The following SLC71A2 variants were observed in gnomAD, a reference collection of about 807,000 sequenced individuals.
SLC71A2 encodes solute carrier family 71 member 2.
chr9:94,437,928 T>C, the SLC71A2 span, among the ~76,000 whole-genome samples: 391 of 149,300 alleles, frequency 2.6e-3, 1 homozygote, highest in African/African-American at 9.2e-3. Context: ...TAATTTTATT[T>C]TAGATTTTAT....
At chr9:94,408,402 C>A in the SLC71A2 span, among the ~76,000 whole-genome samples, 1 of 152,156 alleles carries the variant, frequency 6.6e-6, no homozygotes, top group Admixed American at 6.6e-5. Context: ...GATAAGGGGG[C>A]AACTACTGTA....
chr9:94,388,192 G>C, the SLC71A2 span, among the ~76,000 whole-genome samples: 1 of 152,090 alleles, frequency 6.6e-6, no homozygotes, highest in Non-Finnish European at 1.5e-5. Context: ...ATACATGTGA[G>C]TATCATGGGT....
the SLC71A2 span, among the ~76,000 whole-genome samples, chr9:94,410,187 CT>C: frequency 6.6e-6 from 1 of 151,852 alleles, no homozygotes; most frequent in African/African-American, 2.4e-5. Context: ...CCTTAAACTC[CT>C]GCACTCCAGC....
At chr9:94,451,383 G>C in the SLC71A2 span, 1 of 745,562 alleles carries the variant, frequency 1.3e-6, no homozygotes, top group South Asian at 2.7e-5. Flanking sequence ...ACTTATCATT[G>C]TAATAGAACA....
At chr9:94,380,101 A>G in the SLC71A2 span, among the ~76,000 whole-genome samples, 2 of 152,070 alleles carry the variant, frequency 1.3e-5, no homozygotes, top group Non-Finnish European at 2.9e-5. Context: ...CCCTGTCTCT[A>G]CTAAAAATAC....
At chr9:94,435,813 C>A in the SLC71A2 span, among the ~76,000 whole-genome samples, 2 of 152,036 alleles carry the variant, frequency 1.3e-5, no homozygotes, top group Non-Finnish European at 2.9e-5. Flanking sequence ...CACCACCATG[C>A]CTGGCTAATT....
At chr9:94,379,108 C>T in the SLC71A2 span, among the ~76,000 whole-genome samples, 4 of 66,696 alleles carry the variant, frequency 6.0e-5, no homozygotes, top group Admixed American at 2.4e-4. Flanking sequence ...TTTTTTGAGA[C>T]GGAGTTTCAC....
the SLC71A2 span, among the ~76,000 whole-genome samples, chr9:94,411,626 T>C: frequency 6.6e-6 from 1 of 151,840 alleles, no homozygotes; most frequent in South Asian, 2.1e-4. Flanking sequence ...GTTTCGTGCT[T>C]GTTGCCCAGG....
the SLC71A2 span, among the ~76,000 whole-genome samples, chr9:94,437,796 G>A: frequency 3.5e-4 from 51 of 145,012 alleles, no homozygotes; most frequent in Non-Finnish European, 5.4e-4. Context: ...GTGTGTGTTC[G>A]TCTTAAGGGT....
the SLC71A2 span, among the ~76,000 whole-genome samples, chr9:94,455,846 A>C: frequency 6.6e-6 from 1 of 152,226 alleles, no homozygotes; most frequent in Non-Finnish European, 1.5e-5. Context: ...GGCAGTGTGA[A>C]AGTGAGCCTT....
the SLC71A2 span, among the ~76,000 whole-genome samples, chr9:94,408,953 A>G: frequency 1.3e-5 from 2 of 150,542 alleles, no homozygotes; most frequent in South Asian, 4.2e-4. Context: ...CAGTCTCCCA[A>G]GTAGCTGGGA....
At chr9:94,414,735 C>T in the SLC71A2 span, among the ~76,000 whole-genome samples, 1 of 152,148 alleles carries the variant, frequency 6.6e-6, no homozygotes, top group African/African-American at 2.4e-5. Flanking sequence ...TTTCGGCTCA[C>T]TGCAAGCTCC....
the SLC71A2 span, chr9:94,459,570 CTG>C: frequency 1.6e-5 from 9 of 547,182 alleles, no homozygotes; most frequent in South Asian, 1.2e-4. Flanking sequence ...CATCCTCCTC[CTG>C]TTTTTTTTTT....
At chr9:94,402,073 G>C in the SLC71A2 span, among the ~76,000 whole-genome samples, 2 of 152,042 alleles carry the variant, frequency 1.3e-5, no homozygotes, top group African/African-American at 4.8e-5. Flanking sequence ...GTTTTTGGTG[G>C]GTTTTAGCCA....
the SLC71A2 span, among the ~76,000 whole-genome samples, chr9:94,430,442 C>T: frequency 6.6e-6 from 1 of 151,980 alleles, no homozygotes; most frequent in South Asian, 2.1e-4. Context: ...AGGCTGGTCT[C>T]GAACTGCTGA....
At chr9:94,382,769 C>T in the SLC71A2 span, among the ~76,000 whole-genome samples, 6 of 152,034 alleles carry the variant, frequency 3.9e-5, no homozygotes, top group Admixed American at 3.9e-4. Flanking sequence ...CTCTGCCTCC[C>T]GGGTTCCAGC....
the SLC71A2 span, among the ~76,000 whole-genome samples, chr9:94,438,220 G>A: frequency 6.6e-6 from 1 of 152,140 alleles, no homozygotes; most frequent in South Asian, 2.1e-4. Context: ...TTACAGGCAT[G>A]AGCCACCACG....
chr9:94,394,918 T>TG, the SLC71A2 span, among the ~76,000 whole-genome samples: 19,565 of 84,466 alleles, frequency 0.23, 3,159 homozygotes, highest in East Asian at 0.4. Context: ...TTTTTTTGTT[T>TG]TTTTTTTTTT....
At chr9:94,398,561 A>G in the SLC71A2 span, among the ~76,000 whole-genome samples, 6 of 152,182 alleles carry the variant, frequency 3.9e-5, no homozygotes, top group African/African-American at 1.4e-4. Context: ...TGCTGGAGTG[A>G]TTACCCTTAT....
Sources: gnomAD v4.1 joint callset for allele counts (sites outside exome capture counted in the v4.1 genomes callset) on GRCh38, gnomAD v4.1.1 for gene constraint, MANE v1.5 for transcripts, NCBI Gene and HGNC (gene_info 2026-07-23, HGNC 2026-07-21) for gene names.